The following AFF3 variants were observed in gnomAD, a reference collection of about 807,000 sequenced individuals.
AFF3 encodes the protein ALF transcription elongation factor 3.
A neutral mutation model predicts 129.7 loss-of-function variants in AFF3; 32 were observed. The ratio of observed to expected loss-of-function variants is 0.25; its 90% CI spans 0.19 to 0.33. The LOEUF (loss-of-function observed/expected upper bound fraction) is 0.33, where lower values mean the gene tolerates loss of function less well. Ranked by LOEUF, AFF3 falls within the 10% of genes least tolerant of loss-of-function variation. AFF3 has a pLI of 1.00. For missense variants in AFF3, 1,373 were observed against 1,592.0 expected, an observed-to-expected ratio of 0.86 and a Z score of 2.34; for synonymous variants, 644 against 635.4, an observed-to-expected ratio of 1.01 and a Z score of -0.20.
intron 8 of AFF3, among the ~76,000 whole-genome samples, chr2:99,787,018 T>C (rs898908954): frequency 3.9e-5 from 6 of 152,164 alleles, no homozygotes; most frequent in Non-Finnish European, 8.8e-5. Flanking sequence ...CAGTGTTCAG[T>C]GAGAGACTTA....
chr2:99,920,501 A>G (rs1001221955), intron 7 of AFF3, among the ~76,000 whole-genome samples: 2 of 152,060 alleles, frequency 1.3e-5, no homozygotes, highest in African/African-American at 2.4e-5. Context: ...CAGTTGTGTT[A>G]CTACACCCAT....
At chr2:99,905,351 T>G (rs915134267) in intron 7 of AFF3, among the ~76,000 whole-genome samples, 8 of 152,190 alleles carry the variant, frequency 5.3e-5, no homozygotes, top group African/African-American at 1.9e-4. Context: ...CTGGTCATGG[T>G]GACCATCAAC....
At chr2:99,682,137 C>A (rs2104562274) in intron 11 of AFF3, among the ~76,000 whole-genome samples, 1 of 152,104 alleles carries the variant, frequency 6.6e-6, no homozygotes, top group East Asian at 1.9e-4. Context: ...GAACTCCTGA[C>A]CTCAGGTGAT....
intron 13 of AFF3, among the ~76,000 whole-genome samples, chr2:99,639,122 G>A (rs747865325): frequency 2.6e-5 from 4 of 152,112 alleles, no homozygotes; most frequent in African/African-American, 7.2e-5. Context: ...TATACAACTC[G>A]TTATTTATTT....
At chr2:100,081,899 G>C (rs946350080) in intron 4 of AFF3, among the ~76,000 whole-genome samples, 2 of 152,118 alleles carry the variant, frequency 1.3e-5, no homozygotes, top group African/African-American at 4.8e-5. Flanking sequence ...TTTGGCCTCT[G>C]GTTGATCAAC....
At chr2:100,107,065 A>G (rs972924919) in intron 2 of AFF3, 3 of 985,334 alleles carry the variant, frequency 3.0e-6, no homozygotes, top group African/African-American at 3.5e-5. Flanking sequence ...CTTTAGGAAT[A>G]GCCATGATTT....
chr2:99,947,673 T>C lies in AFF3; in HGVS notation c.873+58959A>G, dbSNP rs561217981. ...ATAGATAGACAGACAGACAGACAGA[T>C]AGATCGATCCAAACACAGGCACACT... On this transcript the variant is annotated intron_variant, in intron 7 of 24. Coordinates refer to ENST00000672756, the MANE Select transcript of AFF3 (RefSeq NM_001386135.1). Among the ~76,000 whole-genome samples the C allele has an allele frequency of 6.1e-4, 89 of 146,094 alleles. 1 individual carries two copies. The highest frequency in any genetic ancestry group is 1.7e-3 in the African/African-American group (69 of 39,510).
intron 13 of AFF3, among the ~76,000 whole-genome samples, chr2:99,642,262 A>G (rs1684275008): frequency 6.6e-6 from 1 of 151,934 alleles, no homozygotes; most frequent in African/African-American, 2.4e-5. Context: ...ATTCCACTCT[A>G]ATTTAATTAT....
At chr2:99,912,085 T>C (rs113033640) in intron 7 of AFF3, among the ~76,000 whole-genome samples, 276 of 152,286 alleles carry the variant, frequency 1.8e-3, no homozygotes, top group African/African-American at 6.2e-3. Flanking sequence ...GGGAGTAATA[T>C]ATTGCTCTTT....
intron 8 of AFF3, among the ~76,000 whole-genome samples, chr2:99,822,388 T>A (rs1687759485): frequency 6.6e-6 from 1 of 152,076 alleles, no homozygotes; most frequent in South Asian, 2.1e-4. Flanking sequence ...TAAAAAAAAT[T>A]GCCAAACCAA....
chr2:99,956,536 G>A (rs1267195403), intron 7 of AFF3, among the ~76,000 whole-genome samples: 1 of 152,136 alleles, frequency 6.6e-6, no homozygotes, highest in Non-Finnish European at 1.5e-5. Context: ...ATGGTTTAAG[G>A]ACCTGATTTT....
chr2:99,689,656 C>CAA (rs60965683), intron 11 of AFF3, among the ~76,000 whole-genome samples: 6 of 57,284 alleles, frequency 1.0e-4, no homozygotes, highest in African/African-American at 1.6e-4. Flanking sequence ...TATTTAATTG[C>CAA]AAAAAAAAAA....
intron 11 of AFF3, among the ~76,000 whole-genome samples, chr2:99,720,595 A>T (rs1259282925): frequency 6.6e-6 from 1 of 152,186 alleles, no homozygotes; most frequent in Non-Finnish European, 1.5e-5. Flanking sequence ...CTGTAATAGC[A>T]ACACTAAATG....
intron 4 of AFF3, among the ~76,000 whole-genome samples, chr2:100,013,359 C>A (rs1231504511): frequency 6.6e-6 from 1 of 152,156 alleles, no homozygotes; most frequent in Non-Finnish European, 1.5e-5. Context: ...AAACATTTCA[C>A]CTATATGTCC....
At chr2:99,554,902 C>T (rs1234076057) in intron 22 of AFF3, among the ~76,000 whole-genome samples, 170 bp from the exon 23 acceptor site, 1 of 152,200 alleles carries the variant, frequency 6.6e-6, no homozygotes, top group Non-Finnish European at 1.5e-5. Flanking sequence ...TCTCTGTTCC[C>T]TTTCTGGAAG....
intron 7 of AFF3, among the ~76,000 whole-genome samples, chr2:99,927,097 G>A (rs1696305189): frequency 1.3e-5 from 2 of 152,152 alleles, no homozygotes; most frequent in Admixed American, 1.3e-4. Flanking sequence ...TGTGAAAACT[G>A]CACTATGGAT....
At chr2:99,802,693 CT>C (rs57516339) in intron 8 of AFF3, among the ~76,000 whole-genome samples, 14,733 of 122,408 alleles carry the variant, frequency 0.12, 1,412 homozygotes, top group African/African-American at 0.31. Flanking sequence ...CCTAGGGTGT[CT>C]TTTTTTTTTT....
chr2:99,595,881 T>A (rs1679237004), intron 14 of AFF3, among the ~76,000 whole-genome samples: 2 of 152,220 alleles, frequency 1.3e-5, no homozygotes, highest in Non-Finnish European at 2.9e-5. Flanking sequence ...CATGGACATC[T>A]TGCTGGTTGC....
intron 12 of AFF3, among the ~76,000 whole-genome samples, chr2:99,657,622 A>T (rs1685866542): frequency 6.6e-6 from 1 of 152,194 alleles, no homozygotes; most frequent in African/African-American, 2.4e-5. Flanking sequence ...TTTTTTTCAC[A>T]TCTGTGTATT....
Sources: gnomAD v4.1 joint callset for allele counts (sites outside exome capture counted in the v4.1 genomes callset) on GRCh38, gnomAD v4.1.1 for gene constraint, MANE v1.5 for transcripts, NCBI Gene and HGNC (gene_info 2026-07-23, HGNC 2026-07-21) for gene names.